The following UBE3A variants were observed in gnomAD, a reference collection of about 807,000 sequenced individuals.
The protein encoded by UBE3A is ubiquitin protein ligase E3A, also known as ubiquitin-protein ligase E3A.
UBE3A carries 6 observed loss-of-function variants against 83.4 expected under a neutral mutation model. That is an observed-to-expected ratio of 0.07 (90% CI 0.04 to 0.14). The LOEUF is 0.14. Among genes scored for constraint, UBE3A ranks in the 10% least tolerant of loss-of-function variants. UBE3A has a pLI of 1.00. For synonymous variants in UBE3A, 337 were observed against 355.4 expected (o/e 0.95, Z 0.58); for missense variants, 456 against 1,036.1 (o/e 0.44, Z 7.69).
At chr15:25,367,285 A>G (rs1595758342) in intron 6 of UBE3A, among the ~76,000 whole-genome samples, 1 of 147,030 alleles carries the variant, frequency 6.8e-6, no homozygotes, top group Non-Finnish European at 1.5e-5. Flanking sequence ...ACATATTTAA[A>G]TTAAATTAAT....
intron 11 of UBE3A, among the ~76,000 whole-genome samples, chr15:25,352,243 T>G (rs2076613954): frequency 6.6e-6 from 1 of 152,210 alleles, no homozygotes; most frequent in Non-Finnish European, 1.5e-5. Context: ...GTTTACATAT[T>G]AATGATGCTG....
At position 25,371,388 on chromosome 15, in the gene UBE3A, A is replaced by C; in HGVS notation, c.786T>G (p.Pro262=). 1 of 1,614,160 alleles carries C rather than the reference A, an allele frequency of 6.2e-7. No individual in the cohort carries two copies. The highest frequency in any genetic ancestry group is 8.5e-7 in the Non-Finnish European group (1 of 1,179,998). The change falls in exon 6 of 13, where the codon CCT becomes CCG. Residue 262 remains proline (P), a synonymous_variant. Transcript: ENST00000648336. This position sits in a 1 kb window ranked among gnomAD's most constrained non-coding sequence, Gnocchi z 5.3. ...AFLNALVYLS[P]NVECDLTYHN... ...GATACGTCAAGTCACATTCCACGTT[A>C]GGTGACAAATATACAAGTGCATTGA...
At chr15:25,404,638 T>G (rs928297195) in intron 4 of UBE3A, among the ~76,000 whole-genome samples, 1 of 152,070 alleles carries the variant, frequency 6.6e-6, no homozygotes, top group Non-Finnish European at 1.5e-5. Flanking sequence ...TTCTCTTCAA[T>G]CCTTTCTCTC....
At chr15:25,401,801 G>T (rs1388356828) in intron 4 of UBE3A, among the ~76,000 whole-genome samples, 1 of 151,768 alleles carries the variant, frequency 6.6e-6, no homozygotes. Flanking sequence ...TGTCTTTTGA[G>T]TTCAGATTCT....
intron 1 of UBE3A, among the ~76,000 whole-genome samples, chr15:25,430,300 C>T (rs1244524269): frequency 2.5e-5 from 2 of 79,746 alleles, no homozygotes; most frequent in African/African-American, 1.0e-4. Context: ...ATATATAATA[C>T]ATATATATAA....
chr15:25,370,924 T>C lies in UBE3A; in HGVS notation c.1250A>G (p.Lys417Arg), dbSNP rs781211197. ...CAGGGGGTCCACTCGAGGACCTTTC[T>C]TGTTTCTTCTTTCTTCTCCCAAAAG... ...QELLGEERRN[K>R]KGPRVDPLET... The change falls in exon 6 of 13, where the codon AAG (lysine) becomes AGG (arginine). Residue 417 changes from lysine (K) to arginine (R), a missense_variant. By Grantham distance (26) the Lys-to-Arg change is conservative. Around this residue, in one of 13 missense-constraint regions of UBE3A, gnomAD observed 85 missense variants for 137.0 expected, o/e 0.62. Transcript: ENST00000648336. This position sits in a 1 kb window ranked among gnomAD's most constrained non-coding sequence, Gnocchi z 4.2. The C allele has an allele frequency of 1.2e-6, 2 of 1,614,146 alleles. No individual in the cohort carries two copies. Among genetic ancestry groups the C allele is most frequent in the Non-Finnish European group, 1.7e-6 (2 of 1,180,010 alleles).
At chr15:25,405,356 T>C in intron 4 of UBE3A, 105 bp downstream of exon 4, 1 of 1,333,624 alleles carries the variant, frequency 7.5e-7, no homozygotes, top group Non-Finnish European at 1.1e-6. Flanking sequence ...TGCTAAATGA[T>C]TCCTTTCTTT....
chr15:25,403,370 G>A (rs2087644949), intron 4 of UBE3A, among the ~76,000 whole-genome samples: 1 of 152,062 alleles, frequency 6.6e-6, no homozygotes, highest in Non-Finnish European at 1.5e-5. Context: ...TTCATAAAAA[G>A]TTTCGTGGTC....
intron 4 of UBE3A, among the ~76,000 whole-genome samples, chr15:25,403,518 G>T (rs1262841005): frequency 1.3e-5 from 2 of 152,042 alleles, no homozygotes; most frequent in Non-Finnish European, 2.9e-5. Flanking sequence ...TGGTAGAAAC[G>T]CAAATAGGTA....
At chr15:25,375,886 G>A (rs1268252389) in intron 4 of UBE3A, 123 bp from the exon 5 acceptor site, 2 of 1,102,588 alleles carry the variant, frequency 1.8e-6, no homozygotes, top group Non-Finnish European at 2.7e-6. Context: ...ATGAAGATGA[G>A]AAGTAGAAAA....
intron 1 of UBE3A, among the ~76,000 whole-genome samples, chr15:25,417,590 A>C (rs1032441401): frequency 6.6e-6 from 1 of 152,124 alleles, no homozygotes; most frequent in Non-Finnish European, 1.5e-5. Context: ...AGAATTCAAA[A>C]AAATACATGA....
chr15:25,354,274 C>A (rs751319640), intron 11 of UBE3A, 79 bp downstream of exon 11: 1 of 1,278,030 alleles, frequency 7.8e-7, no homozygotes, highest in East Asian at 2.3e-5. Flanking sequence ...GGAATTAGTA[C>A]CTAGAGATAA....
At chr15:25,392,612 T>C (rs376679397) in intron 4 of UBE3A, among the ~76,000 whole-genome samples, 17 of 152,142 alleles carry the variant, frequency 1.1e-4, no homozygotes, top group African/African-American at 3.9e-4. Context: ...TACAGAGGAA[T>C]AGCAATAAAA....
intron 6 of UBE3A, among the ~76,000 whole-genome samples, chr15:25,365,746 T>TCA (rs2078993596): frequency 9.1e-6 from 1 of 109,448 alleles, no homozygotes. Context: ...AGACTCCGTC[T>TCA]AAAAAAAAAA....
chr15:25,340,847 G>A (rs995586077), intron 11 of UBE3A, among the ~76,000 whole-genome samples: 6 of 152,098 alleles, frequency 3.9e-5, no homozygotes, highest in African/African-American at 1.4e-4. Flanking sequence ...TGCTGTGTAT[G>A]GAGGAGGAGA....
At chr15:25,424,947 C>T (rs1890899117) in intron 1 of UBE3A, among the ~76,000 whole-genome samples, 1 of 152,138 alleles carries the variant, frequency 6.6e-6, no homozygotes, top group South Asian at 2.1e-4. Flanking sequence ...AATAGACCTA[C>T]AGATTCAACA....
At chr15:25,341,658 G>C (rs1046904204) in intron 11 of UBE3A, among the ~76,000 whole-genome samples, 1 of 150,726 alleles carries the variant, frequency 6.6e-6, no homozygotes, top group African/African-American at 2.4e-5. Flanking sequence ...AGCTACTTGG[G>C]AGGCCAAGGC....
At chr15:25,405,227 G>C (rs750844530) in intron 4 of UBE3A, among the ~76,000 whole-genome samples, 118 of 151,974 alleles carry the variant, frequency 7.8e-4, no homozygotes, top group Non-Finnish European at 1.4e-3. Flanking sequence ...GAAGCAAAAA[G>C]ACTAAGAATT....
intron 11 of UBE3A, among the ~76,000 whole-genome samples, chr15:25,343,310 A>G (rs73364198): frequency 0.062 from 9,499 of 152,244 alleles, 732 homozygotes; most frequent in African/African-American, 0.18. Flanking sequence ...TCAGTCATAA[A>G]CAATGGGAAA....
Sources: allele counts gnomAD v4.1 joint callset (sites outside exome capture counted in the v4.1 genomes callset), GRCh38; gene constraint gnomAD v4.1.1; regional missense constraint gnomAD v4.1.1; non-coding constraint Gnocchi (gnomAD v3.1); transcripts MANE v1.5; gene names NCBI Gene and HGNC (gene_info 2026-07-23, HGNC 2026-07-21).